Variants in ABLIM2 observed in about 807,000 individuals in gnomAD.
ABLIM2 encodes the protein actin binding LIM protein family member 2.
ABLIM2 carries 53 observed loss-of-function variants against 97.7 expected under a neutral mutation model. That is an observed-to-expected ratio of 0.54 (90% CI 0.44 to 0.68). The LOEUF is 0.68. Among genes scored for constraint, ABLIM2 ranks in the 30% least tolerant of loss-of-function variants. ABLIM2 has a pLI of 0.00. For synonymous variants in ABLIM2, 361 were observed against 345.8 expected (o/e 1.04, Z -0.49); for missense variants, 835 against 867.2 (o/e 0.96, Z 0.47).
intron 20 of ABLIM2, among the ~76,000 whole-genome samples, chr4:7,968,470 T>C (rs28737351): frequency 0.031 from 4,658 of 152,338 alleles, 208 homozygotes; most frequent in African/African-American, 0.1. Context: ...GAATGTGACA[T>C]GTCCATGTGA....
chr4:8,054,635 G>C lies in ABLIM2; in HGVS notation c.764-389C>G, dbSNP rs562054336. ...GCCTAGGATGTAGGATTGGCTGCCT[G>C]CATGTTGAGGGCAATGGCTGGGCCC... On this transcript the variant is annotated intron_variant, in intron 7 of 20. Coordinates refer to ENST00000447017, the MANE Select transcript of ABLIM2 (RefSeq NM_001130083.2). This position sits in a 1 kb window ranked among gnomAD's most constrained non-coding sequence, Gnocchi z 4.9. Among the ~76,000 whole-genome samples the C allele has an allele frequency of 2.0e-5, 3 of 152,376 alleles. No individual in the cohort carries two copies. The East Asian group carries it at 5.8e-4, about 29-fold the overall frequency.
intron 12 of ABLIM2, among the ~76,000 whole-genome samples, chr4:8,026,210 C>T (rs1313150458): frequency 6.6e-6 from 1 of 152,222 alleles, no homozygotes; most frequent in Non-Finnish European, 1.5e-5. Context: ...CCAGGTTTCC[C>T]AGGCTGGTCT....
In ABLIM2 at chr4:8,140,193, C is replaced by A. The variant is rs1405514601; in HGVS notation, c.10+18487G>T. 6.6e-6 allele frequency among the ~76,000 whole-genome samples: 1 copy of A among 152,082 alleles called. No individual in the cohort carries two copies. The highest frequency in any genetic ancestry group is 1.5e-5 in the Non-Finnish European group (1 of 68,032). On this transcript the variant is annotated intron_variant, in intron 1 of 20. Transcript: ENST00000447017. This position sits in a 1 kb window ranked among gnomAD's most constrained non-coding sequence, Gnocchi z 5.9. ...TGGGTTAACAGGTGCGGCAAACCAC[C>A]ATGGCACACGTTTACCTGTGTAACA...
At chr4:8,104,850 C>T (rs1836451166) in intron 2 of ABLIM2, among the ~76,000 whole-genome samples, 2 of 152,206 alleles carry the variant, frequency 1.3e-5, no homozygotes, top group African/African-American at 4.8e-5. Flanking sequence ...TTTCAAGCAA[C>T]AGGACTCTAC....
chr4:8,077,350 G>A (rs1169567299), intron 6 of ABLIM2, among the ~76,000 whole-genome samples: 3 of 152,178 alleles, frequency 2.0e-5, no homozygotes, highest in Non-Finnish European at 2.9e-5. Flanking sequence ...GACAGCAAAC[G>A]GCTGGGCCAA....
rs574799953 is a variant in ABLIM2, at chr4:8,127,654, C to T, written c.11-21017G>A. 3.1e-5 allele frequency: 40 copies of T among 1,283,194 alleles called. No individual in the cohort carries two copies. The highest frequency in any genetic ancestry group is 2.8e-4 in the South Asian group (23 of 80,712). The allele number at this position is 1,283,194 out of a possible 1,614,324, so 79.5% of individuals were successfully genotyped here. A position where few individuals can be genotyped will look rare whatever the true frequency, so the allele number is the denominator to read the frequency against. ...GGCCTGGCACCCACGGAGGATCGGG[C>T]AGGAGTGGACCGGGGAAGAGCCTCT... On this transcript the variant is annotated intron_variant, in intron 1 of 20. Coordinates refer to ENST00000447017, the MANE Select transcript of ABLIM2 (RefSeq NM_001130083.2). The surrounding 1 kb of genome is among the most constrained non-coding windows in gnomAD (Gnocchi z 7.3).
At chr4:8,121,396 C>T (rs1477780407) in intron 1 of ABLIM2, among the ~76,000 whole-genome samples, 2 of 152,236 alleles carry the variant, frequency 1.3e-5, no homozygotes, top group African/African-American at 2.4e-5. Flanking sequence ...CAGGCGCCCC[C>T]GGCACCCACA....
At position 8,069,084 on chromosome 4, in the gene ABLIM2, T is replaced by C. The variant is rs1170946466; in HGVS notation, c.676-8030A>G. On this transcript the variant is annotated intron_variant, in intron 6 of 20. Coordinates refer to ENST00000447017, the MANE Select transcript of ABLIM2 (RefSeq NM_001130083.2). The surrounding 1 kb of genome is among the most constrained non-coding windows in gnomAD (Gnocchi z 4.2). ...CACACCCTCTGGAACACAGCTCCTC[T>C]TGGCCCCAGGCCTGTCTAGCACACT... Among the ~76,000 whole-genome samples, 2 of 152,234 alleles carry C rather than the reference T, an allele frequency of 1.3e-5. No homozygotes were observed. Among genetic ancestry groups the C allele is most frequent in the Non-Finnish European group, 2.9e-5 (2 of 68,032 alleles).
chr4:8,153,690 T>C (rs545348319), intron 1 of ABLIM2, among the ~76,000 whole-genome samples: 1 of 149,506 alleles, frequency 6.7e-6, no homozygotes, highest in Non-Finnish European at 1.5e-5. Flanking sequence ...CCCGGAGTGA[T>C]GGGTTTCTAC....
At position 8,014,553 on chromosome 4, in the gene ABLIM2, C is replaced by T. The variant is rs78863869; in HGVS notation, c.1423+5065G>A. On this transcript the variant is annotated intron_variant, in intron 14 of 20. Coordinates refer to ENST00000447017, the MANE Select transcript of ABLIM2 (RefSeq NM_001130083.2). The stretch of plus-strand genomic sequence containing the variant: ...CAGCATGGGCGTTGGAAACTAGAAA[C>T]CTTGCTGAGCCTCTCACCTGTCTGG... 1.6e-3 allele frequency among the ~76,000 whole-genome samples: 251 copies of T among 152,324 alleles called. 2 individuals carry two copies. The highest frequency in any genetic ancestry group is 5.9e-3 in the African/African-American group (244 of 41,580).
rs907117531 is a variant in ABLIM2 at position 8,069,384 on chromosome 4, C to T, written c.675+8244G>A. The stretch of plus-strand genomic sequence containing the variant: ...CTGTGGATGTTCACACGCACTGCAG[C>T]GTGTCCAGGCTCGGAGGGTCCCACC... On this transcript the variant is annotated intron_variant, in intron 6 of 20. Coordinates refer to ENST00000447017, the MANE Select transcript of ABLIM2 (RefSeq NM_001130083.2). This position sits in a 1 kb window ranked among gnomAD's most constrained non-coding sequence, Gnocchi z 4.2. Among the ~76,000 whole-genome samples the T allele has an allele frequency of 2.6e-5, 4 of 152,240 alleles. No individual in the cohort carries two copies. The highest frequency in any genetic ancestry group is 6.5e-5 in the Admixed American group (1 of 15,286).
intron 20 of ABLIM2, among the ~76,000 whole-genome samples, chr4:7,971,488 G>A (rs1285385787): frequency 1.3e-5 from 2 of 152,162 alleles, no homozygotes; most frequent in Admixed American, 1.3e-4. Flanking sequence ...CATGGCAGGG[G>A]GACTGCCTCA....
At chr4:8,154,139 T>G (rs1243898508) in intron 1 of ABLIM2, among the ~76,000 whole-genome samples, 1 of 151,608 alleles carries the variant, frequency 6.6e-6, no homozygotes, top group Admixed American at 6.6e-5. Flanking sequence ...ATTTTTTGTA[T>G]TTTTAGTAGA....
At chr4:8,010,737 C>T (rs1764373828) in intron 14 of ABLIM2, 4 of 371,992 alleles carry the variant, frequency 1.1e-5, no homozygotes, top group South Asian at 1.1e-4. Flanking sequence ...TCAAGAAGCG[C>T]TTAATGGAGA....
intron 1 of ABLIM2, among the ~76,000 whole-genome samples, chr4:8,156,841 C>T (rs904780484): frequency 6.6e-6 from 1 of 152,248 alleles, no homozygotes; most frequent in Non-Finnish European, 1.5e-5. Flanking sequence ...ACCATGCTGT[C>T]TGCTCTCCCC....
rs140287627 is a variant in ABLIM2, at chr4:8,068,538, G to A, written c.676-7484C>T. Among the ~76,000 whole-genome samples the A allele has an allele frequency of 9.5e-4, 145 of 152,320 alleles. No homozygotes were observed. The highest frequency in any genetic ancestry group is 3.2e-3 in the African/African-American group (134 of 41,568). ...AGCAGAGGAGAGCTAGTGGTCCCCC[G>A]TCTTTGGGCTTCTGGAGAATGGATC... is the stretch of plus-strand genomic sequence containing the variant. On this transcript the variant is annotated intron_variant, in intron 6 of 20. Transcript: ENST00000447017. The surrounding 1 kb of genome is among the most constrained non-coding windows in gnomAD (Gnocchi z 4.5).
chr4:7,980,348 C>T (rs1737023001), intron 20 of ABLIM2, among the ~76,000 whole-genome samples: 1 of 152,192 alleles, frequency 6.6e-6, no homozygotes, highest in Non-Finnish European at 1.5e-5. Context: ...TATAGCATCA[C>T]ATGACAGAGA....
intron 20 of ABLIM2, among the ~76,000 whole-genome samples, chr4:7,982,167 C>CCGCCCCTCAGCGGCATCCA (rs1426599211): frequency 3.3e-5 from 5 of 150,872 alleles, no homozygotes; most frequent in Admixed American, 3.3e-4. Context: ...GACTGAGCCA[C>CCGCCCCTCAGCGGCATCCA]CGCCCCTCAG....
intron 1 of ABLIM2, among the ~76,000 whole-genome samples, chr4:8,153,963 CT>C (rs55681745): frequency 0.019 from 2,522 of 131,818 alleles, 56 homozygotes; most frequent in African/African-American, 0.066. Flanking sequence ...AACTTCTTTT[CT>C]TTTTTTTTTT....
Sources: gnomAD v4.1 joint callset for allele counts (sites outside exome capture counted in the v4.1 genomes callset) on GRCh38, gnomAD v4.1.1 for gene constraint, Gnocchi (gnomAD v3.1) non-coding constraint, MANE v1.5 for transcripts, NCBI Gene and HGNC (gene_info 2026-07-23, HGNC 2026-07-21) for gene names.